Variants in PTPRG observed in about 807,000 individuals in gnomAD.
PTPRG encodes the protein receptor-type tyrosine-protein phosphatase gamma.
Under a neutral mutation model 165.3 loss-of-function variants are expected in PTPRG, and 102 were observed. The ratio of observed to expected loss-of-function variants is 0.62; its 90% CI spans 0.53 to 0.73. The LOEUF is 0.73. PTPRG is among the 30% of genes least tolerant of loss of function. The probability of loss-of-function intolerance (pLI) is 0.00; values close to 1 mark genes in which losing one functional copy is unlikely to be tolerated. For synonymous variants in PTPRG, 675 were observed against 669.5 expected (o/e 1.01, Z -0.13); for missense variants, 1,866 against 1,861.4 (o/e 1.00, Z -0.05).
intron 2 of PTPRG, among the ~76,000 whole-genome samples, chr3:61,759,060 G>A (rs1213188603): frequency 1.3e-5 from 2 of 152,146 alleles, no homozygotes; most frequent in East Asian, 3.9e-4. Flanking sequence ...GTTAGTTTCA[G>A]TGTTTGGCTG....
intron 2 of PTPRG, among the ~76,000 whole-genome samples, chr3:61,801,199 CAT>C (rs752293980): frequency 1.3e-5 from 2 of 152,150 alleles, no homozygotes; most frequent in African/African-American, 4.8e-5. Context: ...CAAAAGCACA[CAT>C]ATTTTCATGA....
chr3:61,885,519 A>G (rs1259325219), intron 2 of PTPRG, among the ~76,000 whole-genome samples: 3 of 151,328 alleles, frequency 2.0e-5, no homozygotes, highest in Middle Eastern at 3.4e-3. Flanking sequence ...ATTTAACCCC[A>G]ATATGTTTAC....
intron 1 of PTPRG, among the ~76,000 whole-genome samples, chr3:61,671,797 G>C (rs1282097442): frequency 1.4e-5 from 2 of 147,020 alleles, no homozygotes; most frequent in African/African-American, 5.0e-5. Flanking sequence ...TCCCGGATGG[G>C]GCGGCTGGCC....
chr3:61,580,227 A>G (rs549804440), intron 1 of PTPRG, among the ~76,000 whole-genome samples: 2 of 152,240 alleles, frequency 1.3e-5, no homozygotes, highest in South Asian at 4.2e-4. Context: ...GGATTGTCGG[A>G]GCCCAGGAGT....
Position 62,252,966 on chromosome 3 carries a change from A to G in PTPRG, c.2468-2158A>G, listed in dbSNP as rs762530051. 6.6e-6 allele frequency among the ~76,000 whole-genome samples: 1 copy of G among 152,184 alleles called. No individual in the cohort carries two copies. The highest frequency in any genetic ancestry group is 2.1e-4 in the South Asian group (1 of 4,832). On this transcript the variant is annotated intron_variant, in intron 15 of 29. Transcript: ENST00000474889. The surrounding 1 kb of genome is among the most constrained non-coding windows in gnomAD (Gnocchi z 4.6). The stretch of plus-strand genomic sequence containing the variant: ...CAAATTGGAGAGACTAGTGAGTCAT[A>G]TATTTCCATGATTATCACACTGAAC...
At chr3:61,869,140 C>T (rs1384422965) in intron 2 of PTPRG, among the ~76,000 whole-genome samples, 1 of 152,184 alleles carries the variant, frequency 6.6e-6, no homozygotes, top group East Asian at 1.9e-4. Context: ...GTTGCATCTC[C>T]ATCAATGAGG....
At chr3:62,146,096 G>A (rs1056149905) in intron 6 of PTPRG, among the ~76,000 whole-genome samples, 1 of 152,200 alleles carries the variant, frequency 6.6e-6, no homozygotes, top group South Asian at 2.1e-4. Flanking sequence ...AAACTGTTCA[G>A]TGATAATATT....
intron 10 of PTPRG, among the ~76,000 whole-genome samples, chr3:62,199,530 G>C (rs1440077752): frequency 6.6e-6 from 1 of 152,180 alleles, no homozygotes; most frequent in African/African-American, 2.4e-5. Flanking sequence ...AAGAGATTGA[G>C]AGCTTTAGAT....
At chr3:62,196,913 A>G (rs1309616771) in intron 10 of PTPRG, among the ~76,000 whole-genome samples, 2 of 152,252 alleles carry the variant, frequency 1.3e-5, no homozygotes, top group Non-Finnish European at 2.9e-5. Context: ...AGCAACTGCA[A>G]GATCTCCTGG....
chr3:61,624,879 C>T (rs1348773702), intron 1 of PTPRG, among the ~76,000 whole-genome samples: 1 of 152,070 alleles, frequency 6.6e-6, no homozygotes, highest in Non-Finnish European at 1.5e-5. Flanking sequence ...AACTGGGAGG[C>T]TCAGATAACG....
intron 2 of PTPRG, among the ~76,000 whole-genome samples, chr3:61,885,653 CCTTCT>C (rs1248013738): frequency 3.5e-5 from 4 of 115,872 alleles, no homozygotes; most frequent in Admixed American, 8.7e-5. Context: ...TCACTCTTTT[CCTTCT>C]CTCCTCTCCT....
Position 62,123,391 on chromosome 3 carries a change from G to A in PTPRG, c.616-9211G>A, listed in dbSNP as rs149609646. ...CTCTGGGGTAGCTAGGACTATAGAT[G>A]TGCACCACCAAACACTGGCTAATGT... On this transcript the variant is annotated intron_variant, in intron 5 of 29. Transcript: ENST00000474889. Among the ~76,000 whole-genome samples the A allele has an allele frequency of 7.5e-3, 1,144 of 152,204 alleles. 5 individuals carry two copies. The highest frequency in any genetic ancestry group is 0.013 in the Non-Finnish European group (913 of 68,018).
At chr3:61,723,059 T>C (rs2032117455) in intron 1 of PTPRG, among the ~76,000 whole-genome samples, 1 of 152,208 alleles carries the variant, frequency 6.6e-6, no homozygotes, top group Non-Finnish European at 1.5e-5. Context: ...GTATTCAGTC[T>C]AAGTCAAATA....
At chr3:62,041,578 T>C (rs1700132270) in intron 4 of PTPRG, among the ~76,000 whole-genome samples, 1 of 152,210 alleles carries the variant, frequency 6.6e-6, no homozygotes, top group Non-Finnish European at 1.5e-5. Context: ...TTTCTCCCAT[T>C]GTGCTTAGAG....
chr3:61,647,769 G>A (rs1244347051), intron 1 of PTPRG, among the ~76,000 whole-genome samples: 1 of 124,686 alleles, frequency 8.0e-6, no homozygotes, highest in Non-Finnish European at 1.6e-5. Context: ...TCCAGCCTGG[G>A]TGACAGAGTG....
intron 5 of PTPRG, among the ~76,000 whole-genome samples, chr3:62,086,404 C>T (rs928825087): frequency 2.0e-5 from 3 of 151,848 alleles, no homozygotes; most frequent in Non-Finnish European, 2.9e-5. Context: ...TAACCCCAGA[C>T]CCCCAGAAAA....
chr3:62,186,217 A>G (rs1330156997), intron 8 of PTPRG, among the ~76,000 whole-genome samples: 1 of 152,184 alleles, frequency 6.6e-6, no homozygotes, highest in Admixed American at 6.5e-5. Flanking sequence ...GACCAGAGAC[A>G]AGATCCTCAA....
intron 2 of PTPRG, among the ~76,000 whole-genome samples, chr3:61,841,282 C>G (rs2036625260): frequency 6.6e-6 from 1 of 152,086 alleles, no homozygotes; most frequent in Non-Finnish European, 1.5e-5. Flanking sequence ...TTTGTTCTCC[C>G]AGGTCATGTG....
intron 1 of PTPRG, among the ~76,000 whole-genome samples, chr3:61,677,573 A>G (rs1049362756): frequency 1.3e-5 from 2 of 152,224 alleles, no homozygotes; most frequent in Admixed American, 6.5e-5. Context: ...TAATGTGTGC[A>G]TATAAAAGCC....
Sources: allele counts gnomAD v4.1 joint callset (sites outside exome capture counted in the v4.1 genomes callset), GRCh38; gene constraint gnomAD v4.1.1; non-coding constraint Gnocchi (gnomAD v3.1); transcripts MANE v1.5; gene names NCBI Gene and HGNC (gene_info 2026-07-23, HGNC 2026-07-21).